Variants in C8B observed in about 807,000 individuals in gnomAD.
The protein encoded by C8B is complement C8 beta chain.
A neutral mutation model predicts 64.6 loss-of-function variants in C8B; 67 were observed. That is an observed-to-expected ratio of 1.04 (90% CI 0.85 to 1.27). C8B has a LOEUF of 1.27. Ranked by LOEUF, C8B falls within the 50% of genes most tolerant of loss-of-function variation. The pLI, the probability that C8B is intolerant of heterozygous loss-of-function variation, is 0.00. For synonymous variants in C8B, 284 were observed against 257.7 expected (o/e 1.10, Z -0.98); for missense variants, 790 against 725.2 (o/e 1.09, Z -1.03).
At chr1:56,947,865 A>C (rs892612791) in intron 6 of C8B, among the ~76,000 whole-genome samples, 3 of 152,166 alleles carry the variant, frequency 2.0e-5, no homozygotes, top group African/African-American at 7.2e-5. Context: ...CGGGAGGTGG[A>C]GGTTGAAGTG....
At chr1:56,953,362 A>T (rs1359933549) in intron 4 of C8B, among the ~76,000 whole-genome samples, 7 of 152,206 alleles carry the variant, frequency 4.6e-5, no homozygotes, top group Admixed American at 4.6e-4. Flanking sequence ...AACAAATATA[A>T]TGTGGTGCTG....
At chr1:56,936,194 C>T (rs1325634334) in intron 9 of C8B, among the ~76,000 whole-genome samples, 1 of 152,176 alleles carries the variant, frequency 6.6e-6, no homozygotes, top group East Asian at 1.9e-4. Flanking sequence ...GGATGAAAAG[C>T]TATAAGCATT....
At chr1:56,941,142 C>T in intron 8 of C8B, 130 bp from the exon 9 acceptor site, 1 of 1,028,336 alleles carries the variant, frequency 9.7e-7, no homozygotes, top group East Asian at 2.6e-5. Context: ...GTGGACCAGA[C>T]ACTTCCTTGT....
chr1:56,958,115 G>A (rs74074315), intron 2 of C8B, among the ~76,000 whole-genome samples: 1 of 152,200 alleles, frequency 6.6e-6, no homozygotes, highest in African/African-American at 2.4e-5. Context: ...CAGAGTGGGA[G>A]GGAGACATAG....
At chr1:56,942,088 C>T (rs1242338275) in intron 8 of C8B, among the ~76,000 whole-genome samples, 2 of 152,200 alleles carry the variant, frequency 1.3e-5, no homozygotes, top group Non-Finnish European at 2.9e-5. Flanking sequence ...AAGTGCTGTA[C>T]ATGTATGAAT....
chr1:56,960,223 A>G, intron 1 of C8B, 47 bp from the exon 2 acceptor site: 1 of 1,541,610 alleles, frequency 6.5e-7, no homozygotes, highest in Non-Finnish European at 9.0e-7. Flanking sequence ...GAAGGGAATT[A>G]AGTATACATC....
At chr1:56,939,316 C>T (rs1644817282) in intron 9 of C8B, among the ~76,000 whole-genome samples, 1 of 152,204 alleles carries the variant, frequency 6.6e-6, no homozygotes, top group African/African-American at 2.4e-5. Context: ...TTATCCTTTT[C>T]ATGTTTGCCA....
chr1:56,931,472 G>A (rs1644700230), intron 11 of C8B: 4 of 338,594 alleles, frequency 1.2e-5, no homozygotes, highest in South Asian at 9.7e-5. Context: ...TTATGGAGGA[G>A]GGGGCATACG....
chr1:56,953,017 T>C lies in C8B; in HGVS notation c.534-837A>G, dbSNP rs1050625645. 1.3e-5 allele frequency among the ~76,000 whole-genome samples: 2 copies of C among 152,248 alleles called. 1 individual carries two copies. Among genetic ancestry groups the C allele is most frequent in the Non-Finnish European group, 2.9e-5 (2 of 68,046 alleles). Reference sequence around the variant, plus strand: ...AATATTATTCACAATAATTACTGTTTACTGAGGGTGTAACTGGTGACAAAC... The same window carrying C: ...AATATTATTCACAATAATTACTGTTCACTGAGGGTGTAACTGGTGACAAAC... On this transcript the variant is annotated intron_variant, in intron 4 of 11. Coordinates refer to ENST00000371237, the MANE Select transcript of C8B (RefSeq NM_000066.4).
At chr1:56,958,465 G>T (rs913215966) in intron 2 of C8B, among the ~76,000 whole-genome samples, 4 of 152,008 alleles carry the variant, frequency 2.6e-5, no homozygotes, top group African/African-American at 9.7e-5. Context: ...AGCCTGTCAG[G>T]ACAGGGACAA....
intron 3 of C8B, among the ~76,000 whole-genome samples, chr1:56,955,882 A>G (rs1327174780): frequency 6.6e-6 from 1 of 152,168 alleles, no homozygotes; most frequent in Non-Finnish European, 1.5e-5. Flanking sequence ...AAATATTCTC[A>G]TTTTTGCTGG....
At chr1:56,952,935 C>T (rs781254880) in intron 4 of C8B, among the ~76,000 whole-genome samples, 3 of 152,202 alleles carry the variant, frequency 2.0e-5, no homozygotes, top group Non-Finnish European at 4.4e-5. Flanking sequence ...ATACTGTGTG[C>T]TGTTTGAAGT....
intron 8 of C8B, 141 bp downstream of exon 8, chr1:56,943,555 A>T: frequency 1.0e-6 from 1 of 988,350 alleles, no homozygotes; most frequent in Non-Finnish European, 1.6e-6. Flanking sequence ...AGATGGTAAA[A>T]CTATAAAAAA....
chr1:56,951,987 G>A lies in C8B; in HGVS notation c.666+61C>T, dbSNP rs1645026576. ...CTAGCAGGCTGTCAGGCCGGACCATGGACCCTGCTAACTGGGTGCTCAGCT... is the reference window on the plus strand; with the variant it reads ...CTAGCAGGCTGTCAGGCCGGACCATAGACCCTGCTAACTGGGTGCTCAGCT... On this transcript the variant is annotated intron_variant, in intron 5 of 11. Transcript: ENST00000371237. 4 of 1,019,520 alleles carry A rather than the reference G, an allele frequency of 3.9e-6. No homozygotes were observed. In the African/African-American group the frequency reaches 1.0e-4, roughly 27 times the overall value. The allele number at this position is 1,019,520 out of a possible 1,614,324, so 63.2% of individuals were successfully genotyped here. A position where few individuals can be genotyped will look rare whatever the true frequency, so the allele number is the denominator to read the frequency against.
At chr1:56,937,711 G>A (rs561445433) in intron 9 of C8B, among the ~76,000 whole-genome samples, 2 of 152,030 alleles carry the variant, frequency 1.3e-5, no homozygotes, top group Non-Finnish European at 2.9e-5. Flanking sequence ...GCAATATTTC[G>A]GAGATACTTA....
chr1:56,932,295 A>T (rs1644713403), intron 10 of C8B, among the ~76,000 whole-genome samples: 1 of 152,228 alleles, frequency 6.6e-6, no homozygotes, highest in African/African-American at 2.4e-5. Flanking sequence ...ACTTTTGGCC[A>T]GTTCTGACTC....
At position 56,929,347 on chromosome 1, in the gene C8B, A is replaced by G. The variant is rs2795; in HGVS notation, c.*57T>C. ...GAAACTGGTGTAGGGCTGAGCTGGC[A>G]TGAGTTCTTGAGGGCTCAGGGCTCT... On this transcript the variant is annotated 3_prime_UTR_variant, in exon 12 of 12. Transcript: ENST00000371237. 544,114 of 1,588,734 alleles carry G rather than the reference A, an allele frequency of 0.34. 96,849 individuals carry two copies. The highest frequency in any genetic ancestry group is 0.51 in the South Asian group (45,909 of 90,488).
At chr1:56,942,579 C>A (rs1024885737) in intron 8 of C8B, among the ~76,000 whole-genome samples, 8 of 152,086 alleles carry the variant, frequency 5.3e-5, no homozygotes, top group Non-Finnish European at 1.0e-4. Context: ...GTGGCACATG[C>A]CTGTAGTCCC....
At chr1:56,934,636 A>T (rs1644750607) in intron 9 of C8B, among the ~76,000 whole-genome samples, 1 of 152,026 alleles carries the variant, frequency 6.6e-6, no homozygotes, top group African/African-American at 2.4e-5. Flanking sequence ...TTGGGAAGAA[A>T]ATTGCTTCCA....
Sources: gnomAD v4.1 joint callset for allele counts (sites outside exome capture counted in the v4.1 genomes callset) on GRCh38, gnomAD v4.1.1 for gene constraint, MANE v1.5 for transcripts, NCBI Gene and HGNC (gene_info 2026-07-23, HGNC 2026-07-21) for gene names.